Variants in ADGRV1 observed in about 807,000 individuals in gnomAD.
ADGRV1 encodes G-protein coupled receptor 98.
In ADGRV1, 359 loss-of-function variants were observed where a neutral mutation model predicts 596.2. The ratio of observed to expected loss-of-function variants is 0.60; its 90% CI spans 0.55 to 0.66. The LOEUF is 0.66. Among genes scored for constraint, ADGRV1 ranks in the 30% least tolerant of loss-of-function variants. The pLI is 0.00. For missense variants in ADGRV1, 7,274 were observed against 7,575.6 expected, an observed-to-expected ratio of 0.96 and a Z score of 1.48; for synonymous variants, 2,681 against 2,679.2, an observed-to-expected ratio of 1.00 and a Z score of -0.02.
At chr5:91,029,030 C>T (rs150249564) in intron 85 of ADGRV1, among the ~76,000 whole-genome samples, 26 of 152,184 alleles carry the variant, frequency 1.7e-4, no homozygotes, top group African/African-American at 6.0e-4. Flanking sequence ...GTCACTACAC[C>T]TGGCCAAAAC....
At chr5:91,080,067 A>T (rs1789208281) in intron 86 of ADGRV1, among the ~76,000 whole-genome samples, 1 of 152,108 alleles carries the variant, frequency 6.6e-6, no homozygotes, top group African/African-American at 2.4e-5. Context: ...ATATGTACAT[A>T]ATATCTGTAC....
rs75469577 is a variant in ADGRV1 at position 90,827,884 on chromosome 5, A to G, written c.16369-1060A>G. Reference sequence around the variant, plus strand: ...GAAGGGTTGGTTGTATCATTTCATGATGTAATAGTTATCATTAAAATGGTC... The same window carrying G: ...GAAGGGTTGGTTGTATCATTTCATGGTGTAATAGTTATCATTAAAATGGTC... On this transcript the variant is annotated intron_variant, in intron 76 of 89. Coordinates refer to ENST00000405460, the MANE Select transcript of ADGRV1 (RefSeq NM_032119.4). Among the ~76,000 whole-genome samples, 1,516 of 152,324 alleles carry G rather than the reference A, an allele frequency of 1.0e-2. 11 individuals are homozygous for G. Among genetic ancestry groups the G allele is most frequent in the Non-Finnish European group, 0.015 (1,030 of 68,016 alleles).
In ADGRV1 at chr5:90,653,753, T is replaced by C. The variant is rs753443514; in HGVS notation, c.4179T>C (p.His1393=). ...TAAAAATACAAACAAACGAATCCCATGTGACACTTTCCCTTCATTATAAAA... is the reference window on the plus strand; with the variant it reads ...TAAAAATACAAACAAACGAATCCCACGTGACACTTTCCCTTCATTATAAAA... The part of the protein sequence containing the change: ...YGVKIQTNES[H]VTLSLHYKTL... The change falls in exon 20 of 90, where the codon CAT becomes CAC. Residue 1393 remains histidine (H), a synonymous_variant. Transcript: ENST00000405460. 1 of 1,613,120 alleles carries C rather than the reference T, an allele frequency of 6.2e-7. No individual in the cohort carries two copies. Among genetic ancestry groups the C allele is most frequent in the Non-Finnish European group, 8.5e-7 (1 of 1,179,498 alleles).
intron 73 of ADGRV1, among the ~76,000 whole-genome samples, chr5:90,808,586 A>C (rs1226408492): frequency 1.3e-5 from 2 of 152,202 alleles, no homozygotes; most frequent in Non-Finnish European, 2.9e-5. Context: ...AACAGCAACA[A>C]TAGTTATTAA....
chr5:90,889,464 A>G (rs1007303630), intron 83 of ADGRV1, among the ~76,000 whole-genome samples: 2 of 152,026 alleles, frequency 1.3e-5, no homozygotes, highest in Non-Finnish European at 2.9e-5. Flanking sequence ...CATTGTTTTC[A>G]CTACTAGAAT....
intron 83 of ADGRV1, among the ~76,000 whole-genome samples, chr5:90,877,457 CA>C (rs537680730): frequency 5.8e-4 from 88 of 152,208 alleles, no homozygotes; most frequent in African/African-American, 2.1e-3. Context: ...TAGTGTCTCA[CA>C]AGCATTTTTT....
intron 85 of ADGRV1, among the ~76,000 whole-genome samples, chr5:91,035,628 G>C (rs1784796225): frequency 2.0e-5 from 3 of 151,390 alleles, no homozygotes; most frequent in South Asian, 2.1e-4. Context: ...ATCTTGAATT[G>C]AGAAACCAAT....
chr5:90,848,741 AT>A lies in ADGRV1; in HGVS notation c.17126del (p.Phe5709SerfsTer7). The A allele has an allele frequency of 6.3e-7, 1 of 1,593,450 alleles. No individual in the cohort carries two copies. Among genetic ancestry groups the A allele is most frequent in the South Asian group, 1.2e-5 (1 of 86,778 alleles). On this transcript the variant is annotated frameshift_variant, in exon 79 of 90. Transcript: ENST00000405460. LOFTEE classifies it high-confidence loss of function. Reference sequence around the variant, plus strand: ...ACCCAAAGCGCAAGGACACTAGGGGATTCAGTCACTTTGCTGAAGTGACTGA... The same window carrying A: ...ACCCAAAGCGCAAGGACACTAGGGGATCAGTCACTTTGCTGAAGTGACTGA... ...INPKRKDTRG[F>X]SHFAEVTENF...
intron 61 of ADGRV1, among the ~76,000 whole-genome samples, chr5:90,777,601 C>T (rs998375355): frequency 1.3e-5 from 2 of 152,074 alleles, no homozygotes; most frequent in East Asian, 1.9e-4. Context: ...TTGTACCTTG[C>T]GTGTTAAGTG....
At chr5:90,966,138 T>C (rs1046803291) in intron 84 of ADGRV1, among the ~76,000 whole-genome samples, 1 of 152,122 alleles carries the variant, frequency 6.6e-6, no homozygotes, top group Non-Finnish European at 1.5e-5. Flanking sequence ...TGGTGGATAG[T>C]GGTAACAGAA....
chr5:90,763,565 T>G, intron 59 of ADGRV1, 96 bp downstream of exon 59: 2 of 1,241,622 alleles, frequency 1.6e-6, no homozygotes, highest in South Asian at 2.8e-5. Flanking sequence ...CATGTGCAGG[T>G]TTGTTACATG....
At chr5:90,581,602 C>G (rs1758067206) in intron 1 of ADGRV1, among the ~76,000 whole-genome samples, 3 of 152,132 alleles carry the variant, frequency 2.0e-5, no homozygotes, top group South Asian at 4.1e-4. Flanking sequence ...GTTGCCTGAT[C>G]CTTCCTCTGG....
chr5:91,129,130 A>C (rs1794001616), intron 87 of ADGRV1, among the ~76,000 whole-genome samples: 2 of 152,238 alleles, frequency 1.3e-5, no homozygotes, highest in South Asian at 4.1e-4. Flanking sequence ...AGTTAGAACT[A>C]TCTCTGAAAT....
intron 83 of ADGRV1, among the ~76,000 whole-genome samples, chr5:90,954,761 C>T (rs1443322373): frequency 6.6e-6 from 1 of 151,852 alleles, no homozygotes; most frequent in East Asian, 1.9e-4. Context: ...TATTTATGTG[C>T]TATATAATCC....
At chr5:90,750,723 AAC>A in intron 53 of ADGRV1, 26 bp downstream of exon 53, 2 of 1,585,620 alleles carry the variant, frequency 1.3e-6, no homozygotes, top group East Asian at 2.2e-5. Flanking sequence ...AGTTATAGGA[AAC>A]ACTTTTAAAT....
chr5:90,854,410 A>T (rs75561821), intron 81 of ADGRV1, among the ~76,000 whole-genome samples: 3 of 152,170 alleles, frequency 2.0e-5, no homozygotes, highest in Non-Finnish European at 4.4e-5. Context: ...ATATGTGTGT[A>T]ACACATTATT....
intron 83 of ADGRV1, among the ~76,000 whole-genome samples, chr5:90,880,545 G>C (rs1442102455): frequency 6.6e-6 from 1 of 152,204 alleles, no homozygotes; most frequent in Non-Finnish European, 1.5e-5. Flanking sequence ...ATCTTTGAAT[G>C]AGAGTGTTGT....
intron 36 of ADGRV1, 24 bp from the exon 37 acceptor site, chr5:90,705,376 T>A (rs550652240): frequency 1.2e-6 from 2 of 1,608,532 alleles, no homozygotes; most frequent in Admixed American, 1.7e-5. Flanking sequence ...AAATCACTGT[T>A]AGATTCCTGC....
intron 83 of ADGRV1, among the ~76,000 whole-genome samples, chr5:90,900,884 G>T (rs1231579861): frequency 6.6e-6 from 1 of 152,034 alleles, no homozygotes; most frequent in Non-Finnish European, 1.5e-5. Flanking sequence ...TAAAATAACA[G>T]TCTTTCATAG....
Sources: allele counts gnomAD v4.1 joint callset (sites outside exome capture counted in the v4.1 genomes callset), GRCh38; gene constraint gnomAD v4.1.1; transcripts MANE v1.5; gene names NCBI Gene and HGNC (gene_info 2026-07-23, HGNC 2026-07-21).